The following SLC26A2 variants were observed in gnomAD, a reference collection of about 807,000 sequenced individuals.
SLC26A2 encodes sulfate transporter.
In SLC26A2, 36 loss-of-function variants were observed where a neutral mutation model predicts 41.1. That is an observed-to-expected ratio of 0.88 (90% CI 0.67 to 1.16). The LOEUF is 1.16. Ranked by LOEUF, SLC26A2 falls within the 50% of genes most tolerant of loss-of-function variation. The pLI is 0.00. For synonymous variants in SLC26A2, 291 were observed against 311.6 expected (o/e 0.93, Z 0.70); for missense variants, 796 against 869.6 (o/e 0.92, Z 1.07).
chr5:149,972,435 C>T (rs1331006058), intron 1 of SLC26A2, among the ~76,000 whole-genome samples: 2 of 152,156 alleles, frequency 1.3e-5, no homozygotes, highest in Non-Finnish European at 2.9e-5. Flanking sequence ...ATTACTGGAT[C>T]ACTTTGTGTA....
intron 1 of SLC26A2, among the ~76,000 whole-genome samples, chr5:149,977,288 G>A (rs762984210): frequency 6.6e-6 from 1 of 152,146 alleles, no homozygotes; most frequent in Non-Finnish European, 1.5e-5. Flanking sequence ...GGTAGCATAT[G>A]TATGGAAAGG....
rs1285342635 is a variant in SLC26A2, at chr5:149,979,774, A to G, written c.700-519A>G. On this transcript the variant is annotated intron_variant, in intron 2 of 2. Coordinates refer to ENST00000286298, the MANE Select transcript of SLC26A2 (RefSeq NM_000112.4). The stretch of plus-strand genomic sequence containing the variant: ...TGTGATTCTACTTTGATGTAAATCT[A>G]ATTTTTTGTTTTACCAATTAAAACT... 6.6e-5 allele frequency among the ~76,000 whole-genome samples: 10 copies of G among 152,382 alleles called. No homozygotes were observed. The East Asian group carries it at 1.9e-3, about 29-fold the overall frequency.
intron 1 of SLC26A2, among the ~76,000 whole-genome samples, chr5:149,974,423 A>T (rs1338008628): frequency 6.6e-6 from 1 of 150,600 alleles, no homozygotes; most frequent in Non-Finnish European, 1.5e-5. Flanking sequence ...TATATTATAT[A>T]TATATGTATT....
intron 1 of SLC26A2, among the ~76,000 whole-genome samples, chr5:149,975,262 C>T (rs1311423360): frequency 6.6e-6 from 1 of 152,092 alleles, no homozygotes; most frequent in African/African-American, 2.4e-5. Flanking sequence ...ATGATCCTAT[C>T]GAAGGCATTC....
Position 149,978,292 on chromosome 5 carries a change from A to G in SLC26A2, c.640A>G (p.Lys214Glu), listed in dbSNP as rs752034415. 1.2e-6 allele frequency: 2 copies of G among 1,614,116 alleles called. No individual in the cohort carries two copies. The highest frequency in any genetic ancestry group is 2.2e-5 in the South Asian group (2 of 91,078). ...TCATACATCAGACAGGATATGTGAC[A>G]AAAGTTGCTATGCAATTATGGTTGG... ...LNHTSDRICD[K>E]SCYAIMVGST... The change falls in exon 2 of 3, where the codon AAA (lysine) becomes GAA (glutamate). Residue 214 changes from lysine (K) to glutamate (E), a missense_variant. By Grantham distance (56) the Lys-to-Glu change is moderately conservative. Coordinates refer to ENST00000286298, the MANE Select transcript of SLC26A2 (RefSeq NM_000112.4).
At chr5:149,978,772 C>T (rs1336057485) in intron 2 of SLC26A2, among the ~76,000 whole-genome samples, 1 of 152,012 alleles carries the variant, frequency 6.6e-6, no homozygotes, top group African/African-American at 2.4e-5. Flanking sequence ...ACTGCAACGT[C>T]CGCCTCCCTG....
At chr5:149,966,691 A>G (rs1167235153) in intron 1 of SLC26A2, among the ~76,000 whole-genome samples, 1 of 151,922 alleles carries the variant, frequency 6.6e-6, no homozygotes, top group African/African-American at 2.4e-5. Flanking sequence ...ATTTCTTTTG[A>G]GCATCATGTT....
chr5:149,985,575 G>A lies in SLC26A2; in HGVS notation c.*3762G>A, dbSNP rs1355781440. On this transcript the variant is annotated 3_prime_UTR_variant, in exon 3 of 3. Transcript: ENST00000286298. ...AAGTGGTCATTTAAGAACATGTTAG[G>A]GTTAGCCCTGATCTGAATATAAAAG... 6.6e-6 allele frequency: 1 copy of A among 152,090 alleles called. No individual in the cohort carries two copies. Among genetic ancestry groups the A allele is most frequent in the African/African-American group, 2.4e-5 (1 of 41,402 alleles). The allele number at this position is 152,090 out of a possible 1,614,324, so 9.4% of individuals were successfully genotyped here. A position where few individuals can be genotyped will look rare whatever the true frequency, so the allele number is the denominator to read the frequency against.
rs1755189532 is a variant in SLC26A2, at chr5:149,985,834, T to C, written c.*4021T>C. On this transcript the variant is annotated 3_prime_UTR_variant, in exon 3 of 3. Coordinates refer to ENST00000286298, the MANE Select transcript of SLC26A2 (RefSeq NM_000112.4). ...GCTGGGACTATGGTACTAAATCCAG[T>C]AGATGGGCTGTGTAGCAACTCTCCC... The C allele has an allele frequency of 6.6e-6, 1 of 152,210 alleles. No homozygotes were observed. Among genetic ancestry groups the C allele is most frequent in the Non-Finnish European group, 1.5e-5 (1 of 68,082 alleles). The allele number at this position is 152,210 out of a possible 1,614,324, so 9.4% of individuals were successfully genotyped here.
At position 149,978,394 on chromosome 5, in the gene SLC26A2, C is replaced by T. The variant is rs776285293; in HGVS notation, c.699+43C>T. Reference sequence around the variant, plus strand: ...AATTGGTTATTTCTAGAAAAGTAATCTAGTACATGAAATCTCATATCTCTA... The same window carrying T: ...AATTGGTTATTTCTAGAAAAGTAATTTAGTACATGAAATCTCATATCTCTA... On this transcript the variant is annotated intron_variant, in intron 2 of 2. Transcript: ENST00000286298. 3 of 1,380,670 alleles carry T rather than the reference C, an allele frequency of 2.2e-6. No homozygotes were observed. In the African/African-American group the frequency reaches 4.3e-5, roughly 20 times the overall value. The allele number at this position is 1,380,670 out of a possible 1,614,324, so 85.5% of individuals were successfully genotyped here.
At position 149,986,267 on chromosome 5, in the gene SLC26A2, C is replaced by T. The variant is rs906994122; in HGVS notation, c.*4454C>T. 5.0e-5 allele frequency: 6 copies of T among 121,166 alleles called. No individual in the cohort carries two copies. The highest frequency in any genetic ancestry group is 2.8e-4 in the Admixed American group (3 of 10,868). 7.5% of individuals were successfully genotyped at this position (121,166 alleles called of 1,614,324 possible). A position where few individuals can be genotyped will look rare whatever the true frequency, so the allele number is the denominator to read the frequency against. ...ATAGAAAGCTGTTAGGCTCCTAATTCGTGGGGTTTTTTTTTGTAAAAACAG... is the reference window on the plus strand; with the variant it reads ...ATAGAAAGCTGTTAGGCTCCTAATTTGTGGGGTTTTTTTTTGTAAAAACAG... On this transcript the variant is annotated 3_prime_UTR_variant, in exon 3 of 3. Transcript: ENST00000286298.
In SLC26A2 at chr5:149,980,925, G is replaced by A. The variant is rs778461827; in HGVS notation, c.1332G>A (p.Leu444=). ...CTAGTGCAGCTCTTGCAAAGACATT[G>A]GTTAAAGAATCAACAGGCTGCCATA... is the stretch of plus-strand genomic sequence containing the variant. ...FTTSAALAKT[L]VKESTGCHTQ... The change falls in exon 3 of 3, where the codon TTG becomes TTA. Residue 444 remains leucine, a synonymous_variant. Coordinates refer to ENST00000286298, the MANE Select transcript of SLC26A2 (RefSeq NM_000112.4). The A allele has an allele frequency of 1.2e-6, 2 of 1,614,102 alleles. No individual in the cohort carries two copies. The highest frequency in any genetic ancestry group is 3.3e-5 in the Admixed American group (2 of 60,010).
intron 2 of SLC26A2, among the ~76,000 whole-genome samples, chr5:149,979,676 A>G (rs1755058649): frequency 6.6e-6 from 1 of 152,242 alleles, no homozygotes; most frequent in Admixed American, 6.5e-5. Flanking sequence ...ACAGTGTGGC[A>G]TAAGTACATA....
intron 1 of SLC26A2, among the ~76,000 whole-genome samples, chr5:149,972,376 G>A (rs995467674): frequency 3.9e-5 from 6 of 152,142 alleles, no homozygotes; most frequent in Non-Finnish European, 8.8e-5. Flanking sequence ...AAAGGACCAT[G>A]GCCATGAATG....
At chr5:149,970,631 A>G (rs988263310) in intron 1 of SLC26A2, among the ~76,000 whole-genome samples, 1 of 152,220 alleles carries the variant, frequency 6.6e-6, no homozygotes, top group Non-Finnish European at 1.5e-5. Flanking sequence ...AATGGAATCA[A>G]CTTGGCATGT....
Position 149,981,906 on chromosome 5 carries a change from T to C in SLC26A2, c.*93T>C. On this transcript the variant is annotated 3_prime_UTR_variant, in exon 3 of 3. Transcript: ENST00000286298. The stretch of plus-strand genomic sequence containing the variant: ...TCCACAGTGGGAAATTTTGCACACT[T>C]GAAATTTTAACCAAGTGGCTAGATA... 1 of 941,740 alleles carries C rather than the reference T, an allele frequency of 1.1e-6. No homozygotes were observed. Among genetic ancestry groups the C allele is most frequent in the Non-Finnish European group, 1.6e-6 (1 of 612,934 alleles). 58.3% of individuals were successfully genotyped at this position (941,740 alleles called of 1,614,324 possible). A position where few individuals can be genotyped will look rare whatever the true frequency, so the allele number is the denominator to read the frequency against.
rs755227925 is a variant in SLC26A2 at position 149,981,193 on chromosome 5, G to A, written c.1600G>A (p.Gly534Arg). Residue 534 changes from glycine to arginine, a missense_variant, in exon 3 of 3, where the codon GGG (glycine) becomes AGG (arginine). By Grantham distance (125) the Gly-to-Arg change is moderately radical (BLOSUM62 -2). Transcript: ENST00000286298. ...LLSTEIGLLVGVCFSIFCVIL... is the reference protein window; with the variant it reads ...LLSTEIGLLVRVCFSIFCVIL... ...AAGTACTGAAATAGGCCTACTTGTT[G>A]GGGTTTGTTTTTCTATATTTTGTGT... 1.9e-6 allele frequency: 3 copies of A among 1,613,946 alleles called. No individual in the cohort carries two copies. The highest frequency in any genetic ancestry group is 2.2e-5 in the East Asian group (1 of 44,890).
chr5:149,961,265 T>A (rs1754699985), intron 1 of SLC26A2, among the ~76,000 whole-genome samples: 1 of 151,952 alleles, frequency 6.6e-6, no homozygotes, highest in Non-Finnish European at 1.5e-5. Flanking sequence ...TGCCACGCAC[T>A]CCGCTGCTTT....
At chr5:149,963,124 T>A (rs1266774243) in intron 1 of SLC26A2, among the ~76,000 whole-genome samples, 4 of 112,600 alleles carry the variant, frequency 3.6e-5, no homozygotes, top group African/African-American at 1.1e-4. Context: ...TTATTTATTT[T>A]TTGAGATGGA....
Sources: allele counts gnomAD v4.1 joint callset (sites outside exome capture counted in the v4.1 genomes callset), GRCh38; gene constraint gnomAD v4.1.1; transcripts MANE v1.5; gene names NCBI Gene and HGNC (gene_info 2026-07-23, HGNC 2026-07-21).